Variants in MICU1 observed in about 807,000 individuals in gnomAD.
MICU1 encodes calcium uptake protein 1, mitochondrial.
A neutral mutation model predicts 56.8 loss-of-function variants in MICU1; 45 were observed. That is an observed-to-expected ratio of 0.79 (90% CI 0.62 to 1.02). The LOEUF is 1.02. Ranked by LOEUF, MICU1 falls within the 50% of genes least tolerant of loss-of-function variation. MICU1 has a pLI of 0.00. For missense variants in MICU1, 504 were observed against 587.1 expected (o/e 0.86, Z 1.46); for synonymous variants, 186 against 195.1 (o/e 0.95, Z 0.39).
Position 72,368,372 on chromosome 10 carries a change from A to G in MICU1, c.1271-17T>C. 6.2e-7 allele frequency: 1 copy of G among 1,609,956 alleles called. No individual in the cohort carries two copies. The highest frequency in any genetic ancestry group is 1.1e-5 in the South Asian group (1 of 91,044). ...CGCCATTGCCTAGAGGAAGAGGCAA[A>G]AACAACAGGGATAAGTGTTGGCCTT... On this transcript the variant is annotated splice_polypyrimidine_tract_variant and intron_variant, in intron 11 of 11. Transcript: ENST00000361114.
chr10:72,563,686 G>A (rs551049831), intron 2 of MICU1, among the ~76,000 whole-genome samples: 1 of 152,318 alleles, frequency 6.6e-6, no homozygotes, highest in African/African-American at 2.4e-5. Flanking sequence ...CTACTGAACT[G>A]CATATTTTAA....
At chr10:72,536,638 A>G (rs1839644355) in intron 4 of MICU1, among the ~76,000 whole-genome samples, 1 of 152,222 alleles carries the variant, frequency 6.6e-6, no homozygotes, top group African/African-American at 2.4e-5. Context: ...GGCGTGAGCC[A>G]CCGTGCCCAG....
intron 4 of MICU1, among the ~76,000 whole-genome samples, chr10:72,547,533 GTATATA>G (rs5786084): frequency 6.8e-6 from 1 of 146,188 alleles, no homozygotes; most frequent in African/African-American, 2.5e-5. Flanking sequence ...ATACACATAT[GTATATA>G]TATATATATA....
At chr10:72,538,557 C>T (rs557856097) in intron 4 of MICU1, among the ~76,000 whole-genome samples, 6 of 151,990 alleles carry the variant, frequency 3.9e-5, no homozygotes, top group African/African-American at 9.6e-5. Context: ...GTAAGCCTCA[C>T]GGTAGCCACA....
At chr10:72,566,511 C>T (rs1272211949) in intron 2 of MICU1, 122 bp downstream of exon 2, 2 of 995,346 alleles carry the variant, frequency 2.0e-6, no homozygotes, top group African/African-American at 1.7e-5. Context: ...TTAACAATAC[C>T]AAATGATCCG....
chr10:72,468,969 G>C (rs1865873419), intron 8 of MICU1, among the ~76,000 whole-genome samples: 1 of 152,198 alleles, frequency 6.6e-6, no homozygotes. Context: ...CAGTCTGAAA[G>C]ACAGTGTGAA....
chr10:72,584,911 A>G (rs1378345881), intron 1 of MICU1, among the ~76,000 whole-genome samples: 2 of 152,166 alleles, frequency 1.3e-5, no homozygotes, highest in African/African-American at 4.8e-5. Context: ...GCTATCAATA[A>G]GGAAAGTTTA....
In MICU1 at chr10:72,488,892, A is replaced by T. The variant is rs145991336; in HGVS notation, c.653-11636T>A. ...ACCAGACAAAATATCTATTCTCCTC[A>T]TGCAATAACCATTTAGGGTTCTTAG... On this transcript the variant is annotated intron_variant, in intron 6 of 11. Transcript: ENST00000361114. 2.1e-3 allele frequency among the ~76,000 whole-genome samples: 315 copies of T among 152,338 alleles called. 1 individual carries two copies. Among genetic ancestry groups the T allele is most frequent in the African/African-American group, 7.0e-3 (293 of 41,580 alleles).
rs572812493 is a variant in MICU1 at position 72,481,648 on chromosome 10, G to A, written c.653-4392C>T. The stretch of plus-strand genomic sequence containing the variant: ...GCTGTTCTAGAACTCCTGGCCTCAA[G>A]TGATGCACCCGCCTTGGCCTCCCAA... On this transcript the variant is annotated intron_variant, in intron 6 of 11. Transcript: ENST00000361114. 5.3e-5 allele frequency among the ~76,000 whole-genome samples: 8 copies of A among 152,292 alleles called. No homozygotes were observed. In the East Asian group the frequency reaches 1.5e-3, roughly 29 times the overall value.
At chr10:72,545,901 G>A (rs1839883258) in intron 4 of MICU1, among the ~76,000 whole-genome samples, 1 of 152,214 alleles carries the variant, frequency 6.6e-6, no homozygotes, top group Non-Finnish European at 1.5e-5. Context: ...TAGTCAGGCT[G>A]GAATGTGGTA....
At chr10:72,622,178 C>T (rs756764600) in intron 1 of MICU1, among the ~76,000 whole-genome samples, 8 of 151,874 alleles carry the variant, frequency 5.3e-5, no homozygotes, top group Non-Finnish European at 7.4e-5. Flanking sequence ...CGGCCTCAGC[C>T]TCCCAAAGTG....
At chr10:72,420,093 CTT>C (rs1221541829) in intron 9 of MICU1, among the ~76,000 whole-genome samples, 1 of 152,268 alleles carries the variant, frequency 6.6e-6, no homozygotes, top group East Asian at 1.9e-4. Context: ...GAGTTTCGCT[CTT>C]GTTACCCAGG....
At chr10:72,414,012 C>G (rs1863906121) in intron 9 of MICU1, among the ~76,000 whole-genome samples, 1 of 152,122 alleles carries the variant, frequency 6.6e-6, no homozygotes, top group Non-Finnish European at 1.5e-5. Flanking sequence ...GAAACTGGAA[C>G]TCTCGTATAT....
At chr10:72,608,913 C>G (rs1841764858) in intron 1 of MICU1, among the ~76,000 whole-genome samples, 2 of 152,210 alleles carry the variant, frequency 1.3e-5, no homozygotes, top group Admixed American at 6.5e-5. Context: ...TCAATGTCAT[C>G]TGACCATGAA....
At chr10:72,458,879 A>ATTTTT (rs538552469) in intron 8 of MICU1, among the ~76,000 whole-genome samples, 1 of 126,304 alleles carries the variant, frequency 7.9e-6, no homozygotes, top group Non-Finnish European at 1.7e-5. Context: ...CCCAGCTACC[A>ATTTTT]TTTTTTTTTT....
chr10:72,569,237 A>ATATATATATATATATATATTTTTTTTTT, intron 1 of MICU1, among the ~76,000 whole-genome samples: 1 of 34,392 alleles, frequency 2.9e-5, no homozygotes, highest in Non-Finnish European at 5.1e-5. Flanking sequence ...ATATATATAT[A>ATATATATATATATATATATTTTTTTTTT]TTTTTTTTTT....
At chr10:72,382,166 A>G (rs1187332224) in intron 10 of MICU1, among the ~76,000 whole-genome samples, 1 of 151,380 alleles carries the variant, frequency 6.6e-6, no homozygotes, top group Non-Finnish European at 1.5e-5. Flanking sequence ...GCTGGAGTGC[A>G]GTGGTGCGAT....
intron 1 of MICU1, among the ~76,000 whole-genome samples, chr10:72,597,125 A>T (rs1415196292): frequency 2.0e-5 from 3 of 152,128 alleles, no homozygotes; most frequent in Non-Finnish European, 2.9e-5. Context: ...ATTTAAAAAA[A>T]TTTTATTTCA....
At chr10:72,532,787 T>C (rs2132408769) in intron 5 of MICU1, 2 of 915,928 alleles carry the variant, frequency 2.2e-6, no homozygotes, top group South Asian at 5.0e-5. Context: ...AAGGTAACTT[T>C]TAGGCAGGTG....
Sources: gnomAD v4.1 joint callset for allele counts (sites outside exome capture counted in the v4.1 genomes callset) on GRCh38, gnomAD v4.1.1 for gene constraint, MANE v1.5 for transcripts, NCBI Gene and HGNC (gene_info 2026-07-23, HGNC 2026-07-21) for gene names.